RPS6KA5: variants seen among roughly 807,000 people sequenced by gnomAD.
RPS6KA5 encodes ribosomal protein S6 kinase A5.
A neutral mutation model predicts 85.5 loss-of-function variants in RPS6KA5; 27 were observed. The ratio of observed to expected loss-of-function variants is 0.32; its 90% CI spans 0.23 to 0.44. The LOEUF is 0.44. RPS6KA5 is among the 20% of genes least tolerant of loss of function. RPS6KA5 has a pLI of 1.00. For synonymous variants in RPS6KA5, 334 were observed against 348.2 expected (o/e 0.96, Z 0.46); for missense variants, 811 against 980.9 (o/e 0.83, Z 2.31).
intron 1 of RPS6KA5, among the ~76,000 whole-genome samples, chr14:91,053,091 T>C (rs938885972): frequency 1.3e-5 from 2 of 152,110 alleles, no homozygotes; most frequent in African/African-American, 4.8e-5. Flanking sequence ...TAATACACCA[T>C]ATGAACAGAA....
At chr14:90,958,812 T>G (rs2038654337) in intron 3 of RPS6KA5, among the ~76,000 whole-genome samples, 1 of 151,782 alleles carries the variant, frequency 6.6e-6, no homozygotes, top group South Asian at 2.1e-4. Context: ...ATAAGTAAAT[T>G]AGATATTATT....
At chr14:90,958,803 T>A (rs907715885) in intron 3 of RPS6KA5, among the ~76,000 whole-genome samples, 10 of 151,712 alleles carry the variant, frequency 6.6e-5, no homozygotes, top group Admixed American at 5.3e-4. Context: ...GAAAAAAAAA[T>A]AAGTAAATTA....
At chr14:91,025,305 A>C (rs1057359841) in intron 1 of RPS6KA5, among the ~76,000 whole-genome samples, 1 of 152,146 alleles carries the variant, frequency 6.6e-6, no homozygotes, top group African/African-American at 2.4e-5. Flanking sequence ...CAGCCTCCCA[A>C]AGTGCTGGGA....
At chr14:91,056,867 C>CTTTT (rs34807092) in intron 1 of RPS6KA5, among the ~76,000 whole-genome samples, 1,720 of 39,000 alleles carry the variant, frequency 0.044, 294 homozygotes, top group East Asian at 0.13. Context: ...GCAGTATTAT[C>CTTTT]TTTTTTTTTT....
intron 14 of RPS6KA5, among the ~76,000 whole-genome samples, chr14:90,877,347 T>C (rs2033545970): frequency 2.0e-5 from 3 of 152,124 alleles, no homozygotes; most frequent in Admixed American, 2.0e-4. Flanking sequence ...CCTAAATCCT[T>C]GATGTAGCTT....
At chr14:90,960,920 G>A (rs2038762328) in intron 3 of RPS6KA5, among the ~76,000 whole-genome samples, 1 of 152,124 alleles carries the variant, frequency 6.6e-6, no homozygotes, top group African/African-American at 2.4e-5. Flanking sequence ...TTGTCTCTGT[G>A]GACATACAAT....
chr14:90,867,065 G>A lies in RPS6KA5; in HGVS notation c.*5009C>T, dbSNP rs560777428. On this transcript the variant is annotated 3_prime_UTR_variant, in exon 17 of 17. Transcript: ENST00000614987. ...TTTCACATGACCAGCCTCTTATGTA[G>A]TTAAAAATAAAACTGCAGTTTTAAA... 2 of 152,224 alleles carry A rather than the reference G, an allele frequency of 1.3e-5. No individual in the cohort carries two copies. The highest frequency in any genetic ancestry group is 1.9e-4 in the East Asian group (1 of 5,186). The allele number at this position is 152,224 out of a possible 1,614,324, so 9.4% of individuals were successfully genotyped here.
chr14:90,996,099 C>A (rs892857373), intron 2 of RPS6KA5, among the ~76,000 whole-genome samples: 6 of 152,162 alleles, frequency 3.9e-5, no homozygotes, highest in Non-Finnish European at 7.4e-5. Context: ...GTAGCCTCAA[C>A]CTTCCAGACT....
At chr14:90,900,357 T>C (rs2035097896) in intron 10 of RPS6KA5, 116 bp from the exon 11 acceptor site, 4 of 733,950 alleles carry the variant, frequency 5.4e-6, no homozygotes, top group Non-Finnish European at 5.9e-6. Context: ...TAGAATACAT[T>C]TATAATCTAA....
intron 1 of RPS6KA5, among the ~76,000 whole-genome samples, chr14:91,044,241 G>A (rs1184666756): frequency 7.0e-6 from 1 of 142,522 alleles, no homozygotes; most frequent in Non-Finnish European, 1.5e-5. Flanking sequence ...AGAGATGGGG[G>A]AGAGAGGGGG....
At chr14:91,058,378 T>C (rs1243792237) in intron 1 of RPS6KA5, among the ~76,000 whole-genome samples, 4 of 152,246 alleles carry the variant, frequency 2.6e-5, no homozygotes, top group Admixed American at 1.3e-4. Flanking sequence ...CATTGTTTTC[T>C]ACAAAACTAG....
chr14:90,962,051 G>C (rs972621846), intron 3 of RPS6KA5, among the ~76,000 whole-genome samples: 17 of 152,122 alleles, frequency 1.1e-4, no homozygotes, highest in Non-Finnish European at 2.5e-4. Context: ...CAATGCATAT[G>C]ATCAATACAT....
chr14:90,921,447 T>C (rs552814301), intron 6 of RPS6KA5, among the ~76,000 whole-genome samples: 1 of 152,322 alleles, frequency 6.6e-6, no homozygotes, highest in South Asian at 2.1e-4. Context: ...TAATATAAGA[T>C]TTTCTTATGT....
chr14:91,016,239 A>ATTTTT (rs571687677), intron 1 of RPS6KA5, among the ~76,000 whole-genome samples: 1 of 150,354 alleles, frequency 6.7e-6, no homozygotes, highest in African/African-American at 2.4e-5. Flanking sequence ...TGGTAAACTA[A>ATTTTT]TTTTTTTTTT....
intron 2 of RPS6KA5, among the ~76,000 whole-genome samples, chr14:90,999,762 C>T (rs7153236): frequency 0.015 from 2,307 of 152,324 alleles, 31 homozygotes; most frequent in Middle Eastern, 0.031. Flanking sequence ...TTACACCAAA[C>T]ATGGGGCTCT....
At chr14:90,963,100 C>T (rs998463646) in intron 3 of RPS6KA5, among the ~76,000 whole-genome samples, 5 of 152,202 alleles carry the variant, frequency 3.3e-5, no homozygotes, top group Non-Finnish European at 7.3e-5. Flanking sequence ...GAAATCACAT[C>T]TCTTTAGTCT....
intron 14 of RPS6KA5, among the ~76,000 whole-genome samples, chr14:90,888,384 C>T (rs1206346809): frequency 6.6e-6 from 1 of 152,116 alleles, no homozygotes; most frequent in African/African-American, 2.4e-5. Context: ...ATGAAAGTCT[C>T]TTTTTTATTT....
chr14:90,888,540 G>A (rs1943162597), intron 14 of RPS6KA5, among the ~76,000 whole-genome samples: 1 of 152,018 alleles, frequency 6.6e-6, no homozygotes, highest in South Asian at 2.1e-4. Flanking sequence ...AATGATGACT[G>A]AAAACCGATG....
chr14:90,940,654 C>T (rs1359908970), intron 5 of RPS6KA5, among the ~76,000 whole-genome samples: 1 of 152,144 alleles, frequency 6.6e-6, no homozygotes, highest in African/African-American at 2.4e-5. Flanking sequence ...AGTGTACTAC[C>T]AGAACCTAGC....
Sources: allele counts gnomAD v4.1 joint callset (sites outside exome capture counted in the v4.1 genomes callset), GRCh38; gene constraint gnomAD v4.1.1; transcripts MANE v1.5; gene names NCBI Gene and HGNC (gene_info 2026-07-23, HGNC 2026-07-21).